Variants in GPC5 observed in about 807,000 individuals in gnomAD.
GPC5 encodes the protein glypican 5.
GPC5 carries 47 observed loss-of-function variants against 53.9 expected under a neutral mutation model. That is an observed-to-expected ratio of 0.87 (90% CI 0.69 to 1.11). The LOEUF (loss-of-function observed/expected upper bound fraction) is 1.11. GPC5 is among the 50% of genes most tolerant of loss of function. GPC5 has a pLI of 0.00. For synonymous variants in GPC5, 286 were observed against 263.3 expected (o/e 1.09, Z -0.84); for missense variants, 748 against 713.1 (o/e 1.05, Z -0.56).
chr13:91,747,281 A>G (rs1411725922), intron 4 of GPC5, among the ~76,000 whole-genome samples: 1 of 152,194 alleles, frequency 6.6e-6, no homozygotes, highest in Admixed American at 6.5e-5. Context: ...GGTGGGTTGC[A>G]TTCCCCTTTA....
chr13:92,264,340 A>G (rs990778267), intron 7 of GPC5, among the ~76,000 whole-genome samples: 1 of 152,166 alleles, frequency 6.6e-6, no homozygotes, highest in African/African-American at 2.4e-5. Flanking sequence ...AGTAAACCCA[A>G]GGCAACAAAA....
chr13:92,373,041 T>C (rs1001509617), intron 7 of GPC5, among the ~76,000 whole-genome samples: 5 of 152,186 alleles, frequency 3.3e-5, no homozygotes, highest in Admixed American at 1.3e-4. Context: ...AAGTAGTAAA[T>C]AGTAATTGGT....
chr13:92,815,541 T>G (rs1165754785), intron 7 of GPC5, among the ~76,000 whole-genome samples: 2 of 151,906 alleles, frequency 1.3e-5, no homozygotes, highest in African/African-American at 4.8e-5. Flanking sequence ...TCTGTGATTT[T>G]TTTTTCTATA....
chr13:92,633,140 G>A (rs773585639), intron 7 of GPC5, among the ~76,000 whole-genome samples: 12 of 152,138 alleles, frequency 7.9e-5, no homozygotes, highest in Admixed American at 2.6e-4. Context: ...TGATCCACCC[G>A]CCTCGGCCTC....
chr13:91,981,377 C>A (rs1290731852), intron 6 of GPC5, among the ~76,000 whole-genome samples: 1 of 151,894 alleles, frequency 6.6e-6, no homozygotes, highest in East Asian at 1.9e-4. Context: ...GCAAGCTCCG[C>A]CTCCCGGGTT....
intron 6 of GPC5, among the ~76,000 whole-genome samples, chr13:91,988,424 C>T (rs902131639): frequency 2.6e-5 from 4 of 152,176 alleles, no homozygotes; most frequent in African/African-American, 9.6e-5. Flanking sequence ...ATCCAAAACA[C>T]TCTTTTGACT....
chr13:92,541,764 A>G (rs1447472580), intron 7 of GPC5, among the ~76,000 whole-genome samples: 1 of 151,830 alleles, frequency 6.6e-6, no homozygotes, highest in African/African-American at 2.4e-5. Flanking sequence ...TTGCGCATGT[A>G]TGTCTACTAG....
intron 3 of GPC5, among the ~76,000 whole-genome samples, chr13:91,723,965 G>C (rs2036526918): frequency 6.6e-6 from 1 of 152,110 alleles, no homozygotes; most frequent in Admixed American, 6.5e-5. Context: ...CTTTCTCTCT[G>C]TGTTGAAGAA....
intron 6 of GPC5, among the ~76,000 whole-genome samples, chr13:91,941,055 G>A (rs547009929): frequency 6.6e-6 from 1 of 151,972 alleles, no homozygotes; most frequent in Non-Finnish European, 1.5e-5. Context: ...TTAGCCAAAA[G>A]CAGTTCTTTG....
intron 7 of GPC5, chr13:92,241,032 A>G (rs997829276): frequency 6.6e-5 from 10 of 152,188 alleles, no homozygotes; most frequent in Non-Finnish European, 1.3e-4. Flanking sequence ...ATTTTTGCCC[A>G]GAACCAAGTT....
chr13:92,296,678 CG>C (rs1360035057), intron 7 of GPC5, among the ~76,000 whole-genome samples: 1 of 152,140 alleles, frequency 6.6e-6, no homozygotes, highest in Non-Finnish European at 1.5e-5. Flanking sequence ...GAGGCGCGAG[CG>C]GGAACCGGGG....
At chr13:92,311,468 T>G (rs572741236) in intron 7 of GPC5, among the ~76,000 whole-genome samples, 1 of 152,182 alleles carries the variant, frequency 6.6e-6, no homozygotes, top group South Asian at 2.1e-4. Context: ...CAATGCTACT[T>G]GTATTAGTCA....
intron 5 of GPC5, among the ~76,000 whole-genome samples, chr13:91,815,713 C>T (rs1188444619): frequency 6.6e-6 from 1 of 152,198 alleles, no homozygotes; most frequent in Non-Finnish European, 1.5e-5. Context: ...TCACTTAAGA[C>T]TAAAACAGTG....
intron 5 of GPC5, among the ~76,000 whole-genome samples, chr13:91,814,958 A>G (rs1171671199): frequency 2.6e-5 from 4 of 152,186 alleles, no homozygotes; most frequent in Non-Finnish European, 2.9e-5. Context: ...TTGCATTCCA[A>G]TTGTTTAAAG....
At chr13:92,724,479 T>A (rs879780747) in intron 7 of GPC5, among the ~76,000 whole-genome samples, 7 of 151,576 alleles carry the variant, frequency 4.6e-5, no homozygotes, top group Non-Finnish European at 8.9e-5. Flanking sequence ...TATCAACAGA[T>A]AAATGAATAA....
chr13:91,577,818 A>G (rs1026275983), intron 2 of GPC5, among the ~76,000 whole-genome samples: 1 of 152,116 alleles, frequency 6.6e-6, no homozygotes, highest in Non-Finnish European at 1.5e-5. Flanking sequence ...TTACCCTTAT[A>G]CCAATATATT....
intron 7 of GPC5, among the ~76,000 whole-genome samples, chr13:92,189,393 G>A (rs1003934427): frequency 1.3e-5 from 2 of 152,028 alleles, no homozygotes; most frequent in Non-Finnish European, 2.9e-5. Flanking sequence ...ACCTCCAGCC[G>A]TTCTGTCCCC....
At chr13:91,609,491 T>C (rs530707299) in intron 2 of GPC5, among the ~76,000 whole-genome samples, 1 of 152,190 alleles carries the variant, frequency 6.6e-6, no homozygotes, top group Non-Finnish European at 1.5e-5. Flanking sequence ...CCAATTTCTG[T>C]TAAGGTTCCT....
intron 7 of GPC5, among the ~76,000 whole-genome samples, chr13:92,146,252 T>G (rs1262783327): frequency 6.6e-6 from 1 of 152,230 alleles, no homozygotes; most frequent in African/African-American, 2.4e-5. Flanking sequence ...ATCAGATTGG[T>G]TTCTCCTTTT....
Sources: gnomAD v4.1 joint callset for allele counts (sites outside exome capture counted in the v4.1 genomes callset) on GRCh38, gnomAD v4.1.1 for gene constraint, MANE v1.5 for transcripts, NCBI Gene and HGNC (gene_info 2026-07-23, HGNC 2026-07-21) for gene names.